The following ENTHD1 variants were observed in gnomAD, a reference collection of about 807,000 sequenced individuals.
ENTHD1 encodes ENTH domain containing 1, also known as ENTH domain-containing protein 1.
ENTHD1 carries 23 observed loss-of-function variants against 39.1 expected under a neutral mutation model. The ratio of observed to expected loss-of-function variants is 0.59; its 90% CI spans 0.42 to 0.83. ENTHD1 has a LOEUF of 0.83. Ranked by LOEUF, ENTHD1 falls within the 40% of genes least tolerant of loss-of-function variation. The pLI is 0.00. For missense variants in ENTHD1, 624 were observed against 705.4 expected, an observed-to-expected ratio of 0.88 and a Z score of 1.31; for synonymous variants, 230 against 258.2, an observed-to-expected ratio of 0.89 and a Z score of 1.05.
chr22:39,810,921 T>C (rs2065680440), intron 5 of ENTHD1, among the ~76,000 whole-genome samples: 1 of 152,240 alleles, frequency 6.6e-6, no homozygotes, highest in South Asian at 2.1e-4. Flanking sequence ...AACTCTGCTA[T>C]GTCCTTCAAT....
intron 5 of ENTHD1, among the ~76,000 whole-genome samples, chr22:39,808,372 C>A (rs2065660471): frequency 6.6e-6 from 1 of 152,190 alleles, no homozygotes; most frequent in African/African-American, 2.4e-5. Flanking sequence ...AAGGCAGGAA[C>A]TTGTTCACCA....
rs764160267 is a variant in ENTHD1, at chr22:39,871,977, GTTAA to G, written c.350-9974_350-9971del. 1.2e-4 allele frequency among the ~76,000 whole-genome samples: 18 copies of G among 152,326 alleles called. No individual in the cohort carries two copies. In the East Asian group the frequency reaches 2.1e-3, roughly 18 times the overall value. On this transcript the variant is annotated intron_variant, in intron 2 of 6. Transcript: ENST00000325157. ...GCTATAAATGAACTCAGAAGCCTGT[GTTAA>G]TTAACCCACCAACCATGAGTGCATT...
intron 2 of ENTHD1, among the ~76,000 whole-genome samples, chr22:39,862,546 CAAAAAAAA>C (rs553393294): frequency 1.4e-5 from 1 of 70,380 alleles, no homozygotes; most frequent in Non-Finnish European, 2.8e-5. Context: ...GACTCTGTCT[CAAAAAAAA>C]AAAAAAAAAG....
chr22:39,875,825 A>T, intron 2 of ENTHD1: 2 of 1,613,820 alleles, frequency 1.2e-6, no homozygotes, highest in African/African-American at 2.7e-5. Flanking sequence ...TGTACGTCAT[A>T]GAACCCAGAA....
chr22:39,763,494 C>T (rs969243676), intron 6 of ENTHD1, among the ~76,000 whole-genome samples: 4 of 152,146 alleles, frequency 2.6e-5, no homozygotes, highest in Non-Finnish European at 5.9e-5. Context: ...TGCGGAAAGC[C>T]TACGCCTCTG....
At chr22:39,766,346 G>A (rs2065277548) in intron 5 of ENTHD1, among the ~76,000 whole-genome samples, 1 of 152,128 alleles carries the variant, frequency 6.6e-6, no homozygotes, top group East Asian at 1.9e-4. Context: ...AAACACTGAA[G>A]GAATTGTAAG....
chr22:39,847,166 T>C (rs2065995626), intron 3 of ENTHD1, among the ~76,000 whole-genome samples: 1 of 151,948 alleles, frequency 6.6e-6, no homozygotes, highest in South Asian at 2.1e-4. Flanking sequence ...GTGGCACATA[T>C]ACACCATGGA....
chr22:39,783,218 C>A (rs2065425280), intron 5 of ENTHD1, among the ~76,000 whole-genome samples: 1 of 151,676 alleles, frequency 6.6e-6, no homozygotes. Flanking sequence ...ATAAATTTAA[C>A]CAAAAAAGTG....
intron 2 of ENTHD1, among the ~76,000 whole-genome samples, chr22:39,884,517 A>C (rs2066365305): frequency 6.6e-6 from 1 of 152,090 alleles, no homozygotes; most frequent in African/African-American, 2.4e-5. Flanking sequence ...AGCTGGTACT[A>C]AACTTCAAAT....
chr22:39,812,422 C>A (rs947763737), intron 5 of ENTHD1, among the ~76,000 whole-genome samples: 3 of 152,136 alleles, frequency 2.0e-5, no homozygotes, highest in Non-Finnish European at 2.9e-5. Flanking sequence ...AACAAGGAGG[C>A]ATGTGGATGG....
At chr22:39,764,091 A>G (rs1031053609) in intron 6 of ENTHD1, among the ~76,000 whole-genome samples, 8 of 152,278 alleles carry the variant, frequency 5.3e-5, no homozygotes, top group African/African-American at 1.9e-4. Flanking sequence ...ACCAATATAA[A>G]TTTCTTTAAC....
intron 2 of ENTHD1, among the ~76,000 whole-genome samples, chr22:39,869,841 G>A (rs2066224864): frequency 6.6e-6 from 1 of 151,638 alleles, no homozygotes; most frequent in Non-Finnish European, 1.5e-5. Context: ...TATGAAACAG[G>A]AACAGATGGA....
At chr22:39,877,352 T>C (rs2066300074) in intron 2 of ENTHD1, among the ~76,000 whole-genome samples, 1 of 152,152 alleles carries the variant, frequency 6.6e-6, no homozygotes, top group Non-Finnish European at 1.5e-5. Flanking sequence ...ATCCAAAATG[T>C]AAAAAGTTGG....
chr22:39,889,481 A>G (rs1194947399), intron 1 of ENTHD1, among the ~76,000 whole-genome samples: 2 of 152,200 alleles, frequency 1.3e-5, no homozygotes, highest in Non-Finnish European at 2.9e-5. Flanking sequence ...TACCAAATTG[A>G]TTTCAAGCCC....
intron 5 of ENTHD1, among the ~76,000 whole-genome samples, chr22:39,783,808 TTGGGGAAACACTC>T (rs2065432233): frequency 6.6e-6 from 1 of 152,122 alleles, no homozygotes; most frequent in Admixed American, 6.6e-5. Context: ...GAAGAAAACA[TTGGGGAAACACTC>T]TAGGACATGG....
chr22:39,762,208 T>C (rs922532067), intron 6 of ENTHD1, among the ~76,000 whole-genome samples: 1 of 152,144 alleles, frequency 6.6e-6, no homozygotes, highest in Non-Finnish European at 1.5e-5. Context: ...TATAGTTTAG[T>C]GGTCGGTCAA....
chr22:39,825,812 TAA>T (rs2065821831), intron 4 of ENTHD1, among the ~76,000 whole-genome samples: 1 of 152,046 alleles, frequency 6.6e-6, no homozygotes, highest in Non-Finnish European at 1.5e-5. Flanking sequence ...TTCACTACCC[TAA>T]AAATCCTCTG....
intron 5 of ENTHD1, among the ~76,000 whole-genome samples, chr22:39,794,311 T>C (rs925777738): frequency 2.0e-5 from 3 of 152,256 alleles, no homozygotes; most frequent in African/African-American, 7.2e-5. Flanking sequence ...TTGATTTTTG[T>C]ATCCTGCAGC....
At chr22:39,811,764 G>C (rs2065687977) in intron 5 of ENTHD1, among the ~76,000 whole-genome samples, 1 of 152,132 alleles carries the variant, frequency 6.6e-6, no homozygotes, top group South Asian at 2.1e-4. Flanking sequence ...TAGATCACAA[G>C]GTCAGGAGAT....
Sources: gnomAD v4.1 joint callset for allele counts (sites outside exome capture counted in the v4.1 genomes callset) on GRCh38, gnomAD v4.1.1 for gene constraint, MANE v1.5 for transcripts, NCBI Gene and HGNC (gene_info 2026-07-23, HGNC 2026-07-21) for gene names.